Variants in SPATA21 observed in about 807,000 individuals in gnomAD.
SPATA21 encodes the protein spermatogenesis associated 21.
Under a neutral mutation model 54.8 loss-of-function variants are expected in SPATA21, and 47 were observed. The ratio of observed to expected loss-of-function variants is 0.86; its 90% CI spans 0.68 to 1.09. The LOEUF is 1.09. SPATA21 is among the 50% of genes least tolerant of loss of function. SPATA21 has a pLI of 0.00. For synonymous variants in SPATA21, 245 were observed against 235.3 expected, an observed-to-expected ratio of 1.04 and a Z score of -0.38; for missense variants, 599 against 596.4, an observed-to-expected ratio of 1.00 and a Z score of -0.05.
intron 7 of SPATA21, among the ~76,000 whole-genome samples, chr1:16,407,679 C>T (rs1033881542): frequency 2.8e-4 from 43 of 152,110 alleles, no homozygotes; most frequent in African/African-American, 1.0e-3. Context: ...AGGCTGGTCT[C>T]GAACTCCTGA....
chr1:16,397,860 C>T, downstream of SPATA21: 1 of 359,744 alleles, frequency 2.8e-6, no homozygotes, highest in African/African-American at 2.2e-5. This position sits in a 1 kb window ranked among gnomAD's most constrained non-coding sequence, Gnocchi z 5.4. Flanking sequence ...TGGGGGTGCC[C>T]TGCTCAGGGA....
At chr1:16,433,874 A>AGT (rs1447011533) in intron 1 of SPATA21, among the ~76,000 whole-genome samples, 7 of 152,182 alleles carry the variant, frequency 4.6e-5, no homozygotes, top group African/African-American at 1.7e-4. Flanking sequence ...CATACCATAC[A>AGT]GTTCACCCAT....
chr1:16,409,831 CG>C lies in SPATA21; in HGVS notation c.356del (p.Pro119ArgfsTer72). The C allele has an allele frequency of 6.3e-7, 1 of 1,598,950 alleles. No homozygotes were observed. The highest frequency in any genetic ancestry group is 8.5e-7 in the Non-Finnish European group (1 of 1,173,394). Reference protein sequence around the residue: ...TAQKSPRTLTPVPTSAPSLPQ... With the variant: ...TAQKSPRTLTXVPTSAPSLPQ... Reference sequence around the variant, plus strand: ...GCAGGCTTGGAGCTGAGGTGGGCACCGGGGTCAGGGTCCTGGGCGACTTCTG... The same window carrying C: ...GCAGGCTTGGAGCTGAGGTGGGCACCGGGTCAGGGTCCTGGGCGACTTCTG... On this transcript the variant is annotated frameshift_variant, in exon 6 of 13. Coordinates refer to ENST00000335496, the MANE Select transcript of SPATA21 (RefSeq NM_198546.1). LOFTEE classifies it high-confidence loss of function. The surrounding 1 kb of genome is among the most constrained non-coding windows in gnomAD (Gnocchi z 4.1).
intron 10 of SPATA21, 142 bp from the exon 11 acceptor site, chr1:16,401,034 C>T: frequency 1.0e-6 from 1 of 1,002,652 alleles, no homozygotes; most frequent in Non-Finnish European, 1.4e-6. Flanking sequence ...CTCAGCTCAG[C>T]CCTTTCTGTG....
At chr1:16,408,301 T>C (rs533808148) in intron 7 of SPATA21, among the ~76,000 whole-genome samples, 1 of 152,002 alleles carries the variant, frequency 6.6e-6, no homozygotes, top group South Asian at 2.1e-4. Context: ...AGGGTAGGTG[T>C]TCAGAACTTT....
At chr1:16,415,588 C>G (rs1340126481) in intron 5 of SPATA21, among the ~76,000 whole-genome samples, 2 of 152,140 alleles carry the variant, frequency 1.3e-5, no homozygotes, top group Non-Finnish European at 2.9e-5. Context: ...GAGACGGAGT[C>G]TCGCTCTGTC....
intron 3 of SPATA21, chr1:16,425,732 C>T: frequency 6.5e-7 from 1 of 1,547,416 alleles, no homozygotes; most frequent in Non-Finnish European, 8.7e-7. Context: ...CTGTTTCTTC[C>T]TGGGGAAAAT....
In SPATA21 at chr1:16,409,771, T is replaced by A; in HGVS notation, c.417A>T (p.Pro139=). 1.9e-6 allele frequency: 3 copies of A among 1,605,824 alleles called. No individual in the cohort carries two copies. The highest frequency in any genetic ancestry group is 2.5e-6 in the Non-Finnish European group (3 of 1,176,482). ...QTPASVPASG[P]SWARLPAPGP... ...CAGGAGCTGGCAGCCGGGCCCACGATGGGCCGCTGGCAGGGACCGAGGCAG... is the reference window on the plus strand; with the variant it reads ...CAGGAGCTGGCAGCCGGGCCCACGAAGGGCCGCTGGCAGGGACCGAGGCAG... The change falls in exon 6 of 13, where the codon CCA becomes CCT. Residue 139 remains proline, a synonymous_variant. Transcript: ENST00000335496. This position sits in a 1 kb window ranked among gnomAD's most constrained non-coding sequence, Gnocchi z 4.1.
At chr1:16,417,845 C>T (rs2086058567) in intron 5 of SPATA21, among the ~76,000 whole-genome samples, 1 of 152,288 alleles carries the variant, frequency 6.6e-6, no homozygotes. Context: ...GTTGGGATTA[C>T]AGGCGTGAGC....
intron 5 of SPATA21, among the ~76,000 whole-genome samples, chr1:16,414,065 T>C (rs1184610221): frequency 6.6e-6 from 1 of 151,908 alleles, no homozygotes; most frequent in East Asian, 1.9e-4. Context: ...AGCCTAGAGT[T>C]CTTTTTTTTT....
downstream of SPATA21, chr1:16,397,106 C>T (rs541267123): frequency 6.6e-6 from 1 of 152,366 alleles, no homozygotes; most frequent in Non-Finnish European, 1.5e-5. This position sits in a 1 kb window ranked among gnomAD's most constrained non-coding sequence, Gnocchi z 5.4. Flanking sequence ...GTGGGAACGC[C>T]AGAAGTGCTG....
chr1:16,421,418 G>T lies in SPATA21; in HGVS notation c.144+91C>A. ...TTGACTCCAAATAGGGGTTTGACGTGCCACATCCGCTTCTGCCCTCTTCCT... is the reference window on the plus strand; with the variant it reads ...TTGACTCCAAATAGGGGTTTGACGTTCCACATCCGCTTCTGCCCTCTTCCT... On this transcript the variant is annotated intron_variant, in intron 5 of 12. Coordinates refer to ENST00000335496, the MANE Select transcript of SPATA21 (RefSeq NM_198546.1). The surrounding 1 kb of genome is among the most constrained non-coding windows in gnomAD (Gnocchi z 5.2). The T allele has an allele frequency of 7.7e-7, 1 of 1,298,342 alleles. No homozygotes were observed. The highest frequency in any genetic ancestry group is 1.1e-6 in the Non-Finnish European group (1 of 943,554). 80.4% of individuals were successfully genotyped at this position (1,298,342 alleles called of 1,614,324 possible).
chr1:16,403,531 C>G lies in SPATA21; in HGVS notation c.1001+196G>C, dbSNP rs1435850435. ...TGAGACAGAGTCTCACTCTGTCACCCAGGCTGGAGTGCAGTGGCTCAATCT... is the reference window on the plus strand; with the variant it reads ...TGAGACAGAGTCTCACTCTGTCACCGAGGCTGGAGTGCAGTGGCTCAATCT... On this transcript the variant is annotated intron_variant, in intron 10 of 12. Transcript: ENST00000335496. 2.1e-5 allele frequency among the ~76,000 whole-genome samples: 3 copies of G among 146,274 alleles called. No homozygotes were observed. In the South Asian group the frequency reaches 6.6e-4, roughly 32 times the overall value.
intron 5 of SPATA21, among the ~76,000 whole-genome samples, chr1:16,413,196 G>A (rs565974455): frequency 6.6e-6 from 1 of 152,112 alleles, no homozygotes; most frequent in Admixed American, 6.5e-5. Context: ...CCACTCCCCC[G>A]GGCCCTGGCA....
At chr1:16,410,105 T>G in intron 5 of SPATA21, 62 bp from the exon 6 acceptor site, 29 of 1,311,524 alleles carry the variant, frequency 2.2e-5, no homozygotes, top group Non-Finnish European at 3.0e-5. Context: ...ACAAATCTCC[T>G]CCCTGCCATC....
intron 3 of SPATA21, chr1:16,422,340 G>T: frequency 1.5e-6 from 1 of 658,134 alleles, no homozygotes; most frequent in Non-Finnish European, 2.1e-6. Flanking sequence ...TTCTCCTAGT[G>T]CCCCTAGAAG....
rs372104797 is a variant in SPATA21, at chr1:16,409,090, G to A, written c.673+28C>T. On this transcript the variant is annotated intron_variant, in intron 7 of 12. Coordinates refer to ENST00000335496, the MANE Select transcript of SPATA21 (RefSeq NM_198546.1). The surrounding 1 kb of genome is among the most constrained non-coding windows in gnomAD (Gnocchi z 4.1). ...AAGGACCAAGGGTCCTGCCTGTGCT[G>A]GGACCTCCCTGACCTCCCTGCCCTC... 23 of 1,612,040 alleles carry A rather than the reference G, an allele frequency of 1.4e-5. No individual in the cohort carries two copies. The highest frequency in any genetic ancestry group is 2.0e-5 in the Non-Finnish European group (23 of 1,178,364).
chr1:16,409,641 G>A lies in SPATA21; in HGVS notation c.547C>T (p.His183Tyr). 2.5e-6 allele frequency: 4 copies of A among 1,613,062 alleles called. No individual in the cohort carries two copies. The highest frequency in any genetic ancestry group is 3.4e-6 in the Non-Finnish European group (4 of 1,179,984). The change falls in exon 6 of 13, where the codon CAC becomes TAC. Residue 183 changes from histidine to tyrosine, a missense_variant. Coordinates refer to ENST00000335496, the MANE Select transcript of SPATA21 (RefSeq NM_198546.1). The surrounding 1 kb of genome is among the most constrained non-coding windows in gnomAD (Gnocchi z 4.1). Reference protein sequence around the residue: ...DLGWRRMELLHQSSERTLSYA... With the variant: ...DLGWRRMELLYQSSERTLSYA... The stretch of plus-strand genomic sequence containing the variant: ...CTCAGGGTTCTCTCGCTGCTCTGGT[G>A]CAAGAGTTCCATCCTTCTCCAGCCC...
In SPATA21 at chr1:16,403,716, G is replaced by T; in HGVS notation, c.1001+11C>A. Reference sequence around the variant, plus strand: ...CACAACCCTTCACCCCCAACAACCGGCCCCACTCACTTTGTGATTTCCTCT... The same window carrying T: ...CACAACCCTTCACCCCCAACAACCGTCCCCACTCACTTTGTGATTTCCTCT... On this transcript the variant is annotated intron_variant, in intron 10 of 12. Coordinates refer to ENST00000335496, the MANE Select transcript of SPATA21 (RefSeq NM_198546.1). The T allele has an allele frequency of 3.7e-6, 6 of 1,607,752 alleles. No homozygotes were observed. Among genetic ancestry groups the T allele is most frequent in the Non-Finnish European group, 5.1e-6 (6 of 1,174,480 alleles).
Sources: gnomAD v4.1 joint callset for allele counts (sites outside exome capture counted in the v4.1 genomes callset) on GRCh38, gnomAD v4.1.1 for gene constraint, Gnocchi (gnomAD v3.1) non-coding constraint, MANE v1.5 for transcripts, NCBI Gene and HGNC (gene_info 2026-07-23, HGNC 2026-07-21) for gene names.